The following DMD variants were observed in gnomAD, a reference collection of about 807,000 sequenced individuals.
The protein encoded by DMD is dystrophin, also known as mutant dystrophin.
Under a neutral mutation model 330.1 loss-of-function variants are expected in DMD, and 63 were observed. That is an observed-to-expected ratio of 0.19 (90% confidence interval 0.16 to 0.24). DMD has a LOEUF of 0.24. Ranked by LOEUF, DMD falls within the 10% of genes least tolerant of loss-of-function variation. The pLI is 1.00. For synonymous variants in DMD, 1,223 were observed against 959.8 expected (o/e 1.27, Z -5.07); for missense variants, 3,344 against 2,684.1 (o/e 1.25, Z -5.43).
rs768878130 is a variant in DMD, at chrX:31,953,137, AAGG to A, written c.6614+15199_6614+15201del. Among the ~76,000 whole-genome samples, 47 of 112,714 alleles carry A rather than the reference AAGG, an allele frequency of 4.2e-4. No individual in the cohort carries two copies. The East Asian group carries it at 0.011, about 25-fold the overall frequency. On this transcript the variant is annotated intron_variant, in intron 45 of 78. Transcript: ENST00000357033. ...TTTTAAGTTTTCATGAAGGAGACAC[AAGG>A]AGTCCTTACTGAGGCCTATTACGGC...
chrX:32,415,562 T>C (rs1187498610), intron 29 of DMD, among the ~76,000 whole-genome samples: 1 of 112,527 alleles, frequency 8.9e-6, no homozygotes, highest in African/African-American at 3.2e-5. Flanking sequence ...GCTGTCTCAT[T>C]GAATGAAGTT....
At chrX:31,913,042 A>G (rs1306680971) in intron 47 of DMD, among the ~76,000 whole-genome samples, 3 of 112,736 alleles carry the variant, frequency 2.7e-5, no homozygotes, top group African/African-American at 9.7e-5. Context: ...CATGGCCAAT[A>G]GCTTTAGCTG....
intron 2 of DMD, among the ~76,000 whole-genome samples, chrX:33,010,665 A>C (rs2093685569): frequency 9.0e-6 from 1 of 111,546 alleles, no homozygotes; most frequent in Non-Finnish European, 1.9e-5. Context: ...CTTTTAACTC[A>C]TTCAGTTTTT....
At chrX:32,723,059 T>A (rs191922132) in intron 7 of DMD, among the ~76,000 whole-genome samples, 6 of 111,247 alleles carry the variant, frequency 5.4e-5, no homozygotes, top group African/African-American at 1.6e-4. Flanking sequence ...GTTGATCATA[T>A]TAGCTATAGG....
chrX:31,525,423 C>T (rs1460821202), intron 55 of DMD, among the ~76,000 whole-genome samples: 2 of 111,575 alleles, frequency 1.8e-5, no homozygotes, highest in Non-Finnish European at 3.8e-5. Context: ...TCATTTAGCA[C>T]AATATTTTGT....
At chrX:32,679,173 T>C (rs944560661) in intron 9 of DMD, among the ~76,000 whole-genome samples, 8 of 112,206 alleles carry the variant, frequency 7.1e-5, no homozygotes, top group African/African-American at 9.7e-5. Context: ...AGTGTTATAG[T>C]TGAGCCTTTT....
At chrX:32,748,251 G>A (rs1020423002) in intron 7 of DMD, among the ~76,000 whole-genome samples, 16 of 108,360 alleles carry the variant, frequency 1.5e-4, no homozygotes, top group Non-Finnish European at 2.5e-4. Flanking sequence ...GGCTGAGGCA[G>A]GAGAATTGCT....
rs184582748 is a variant in DMD, at chrX:33,155,143, T to C, written c.31+56139A>G. ...AACAATTTTAATTTTCCTATTCTTT[T>C]AATGAAAGTAATATTCCTCTCTTCT... On this transcript the variant is annotated intron_variant, in intron 1 of 78. Coordinates refer to ENST00000357033, the MANE Select transcript of DMD (RefSeq NM_004006.3). Among the ~76,000 whole-genome samples the C allele has an allele frequency of 3.8e-4, 42 of 111,690 alleles. No individual in the cohort carries two copies. In the East Asian group the frequency reaches 0.012, roughly 31 times the overall value.
At chrX:31,557,964 C>T (rs1012908193) in intron 55 of DMD, among the ~76,000 whole-genome samples, 1 of 111,385 alleles carries the variant, frequency 9.0e-6, no homozygotes, top group Non-Finnish European at 1.9e-5. Flanking sequence ...TCTTTCAAGG[C>T]TCCTTTAGAC....
rs143522126 is a variant in DMD, at chrX:32,406,221, T to C, written c.4233+5531A>G. On this transcript the variant is annotated intron_variant, in intron 30 of 78. Coordinates refer to ENST00000357033, the MANE Select transcript of DMD (RefSeq NM_004006.3). ...AAACAGGAACAATTTGACTTCCTCTTTTCCTGATTGAATACCCTTTATTTC... is the reference window on the plus strand; with the variant it reads ...AAACAGGAACAATTTGACTTCCTCTCTTCCTGATTGAATACCCTTTATTTC... 6.7e-3 allele frequency among the ~76,000 whole-genome samples: 752 copies of C among 111,536 alleles called. 3 individuals are homozygous for C. Among genetic ancestry groups the C allele is most frequent in the African/African-American group, 0.022 (684 of 30,642 alleles).
chrX:32,542,515 G>T (rs750054031), intron 17 of DMD, among the ~76,000 whole-genome samples: 1 of 112,039 alleles, frequency 8.9e-6, no homozygotes, highest in Admixed American at 9.4e-5. Context: ...AAACAAGTCA[G>T]GTAAAGAGTC....
chrX:32,454,555 T>C (rs2098347568), intron 26 of DMD, 107 bp downstream of exon 26: 4 of 633,250 alleles, frequency 6.3e-6, no homozygotes, highest in Non-Finnish European at 7.1e-6. Flanking sequence ...CCTCTTCTCT[T>C]AGAACCAGGA....
chrX:31,483,984 T>C (rs1386113779), intron 57 of DMD, among the ~76,000 whole-genome samples: 2 of 110,912 alleles, frequency 1.8e-5, no homozygotes, highest in African/African-American at 6.6e-5. Flanking sequence ...TTAAAACAAA[T>C]GGCTTTATGT....
At chrX:31,953,292 T>G (rs2095207672) in intron 45 of DMD, among the ~76,000 whole-genome samples, 1 of 112,113 alleles carries the variant, frequency 8.9e-6, no homozygotes, top group African/African-American at 3.2e-5. Flanking sequence ...GTTTGCCGCC[T>G]AGGTCTCCAC....
At chrX:33,291,872 T>C (rs776941197) in intron 1 of DMD, among the ~76,000 whole-genome samples, 7 of 112,040 alleles carry the variant, frequency 6.2e-5, no homozygotes, top group Non-Finnish European at 1.3e-4. Flanking sequence ...ATAAATCTTA[T>C]ATAATTTATT....
chrX:33,328,594 T>C (rs1854407395), intron 1 of DMD, among the ~76,000 whole-genome samples: 2 of 111,630 alleles, frequency 1.8e-5, no homozygotes, highest in Admixed American at 1.9e-4. Flanking sequence ...CGCATCACTC[T>C]ATACTTGCTA....
intron 2 of DMD, among the ~76,000 whole-genome samples, chrX:32,859,040 T>C (rs2081845109): frequency 9.0e-6 from 1 of 111,243 alleles, no homozygotes. Context: ...TCCCGTGAGG[T>C]TCAACTGCAA....
At chrX:31,715,983 T>C (rs1187114842) in intron 52 of DMD, among the ~76,000 whole-genome samples, 1 of 112,017 alleles carries the variant, frequency 8.9e-6, no homozygotes, top group Non-Finnish European at 1.9e-5. Flanking sequence ...ATTTATGGCA[T>C]TCCCGTTATT....
intron 44 of DMD, among the ~76,000 whole-genome samples, chrX:32,013,402 A>G (rs1603620350): frequency 9.0e-6 from 1 of 111,362 alleles, no homozygotes; most frequent in Non-Finnish European, 1.9e-5. Context: ...CTTTCTTTTT[A>G]TAATAAATGC....
Sources: gnomAD v4.1 joint callset for allele counts (sites outside exome capture counted in the v4.1 genomes callset) on GRCh38, gnomAD v4.1.1 for gene constraint, MANE v1.5 for transcripts, NCBI Gene and HGNC (gene_info 2026-07-23, HGNC 2026-07-21) for gene names.